NUBPL: variants seen among roughly 807,000 people sequenced by gnomAD.
NUBPL encodes the protein iron-sulfur cluster transfer protein NUBPL.
NUBPL carries 31 observed loss-of-function variants against 45.7 expected under a neutral mutation model. The observed-to-expected ratio is 0.68, with a 90% confidence interval of 0.51 to 0.92. The LOEUF (loss-of-function observed/expected upper bound fraction) is 0.92, where lower values mean the gene tolerates loss of function less well. NUBPL is among the 40% of genes least tolerant of loss of function. The probability of loss-of-function intolerance (pLI) is 0.00; values close to 1 mark genes in which losing one functional copy is unlikely to be tolerated. For missense variants in NUBPL, 401 were observed against 398.7 expected, an observed-to-expected ratio of 1.01 and a Z score of -0.05; for synonymous variants, 144 against 140.9, an observed-to-expected ratio of 1.02 and a Z score of -0.15.
Position 31,653,121 on chromosome 14 carries a change from A to G in NUBPL, c.383-20234A>G, listed in dbSNP as rs150498103. On this transcript the variant is annotated intron_variant, in intron 4 of 10. Transcript: ENST00000281081. ...AACAAAGATCACATGCTTCTGAGGA[A>G]ACAGGGCAAGGACAAAAGCAAAGAT... is the stretch of plus-strand genomic sequence containing the variant. 4.8e-3 allele frequency among the ~76,000 whole-genome samples: 732 copies of G among 152,322 alleles called. 2 individuals carry two copies. The highest frequency in any genetic ancestry group is 0.016 in the African/African-American group (651 of 41,580).
intron 8 of NUBPL, among the ~76,000 whole-genome samples, chr14:31,829,120 G>T (rs2036608438): frequency 6.6e-6 from 1 of 152,180 alleles, no homozygotes; most frequent in African/African-American, 2.4e-5. Flanking sequence ...GTCATGACAA[G>T]GTCCAGGATG....
At chr14:31,799,265 TGTA>T (rs1049758527) in intron 7 of NUBPL, among the ~76,000 whole-genome samples, 4 of 152,136 alleles carry the variant, frequency 2.6e-5, no homozygotes, top group African/African-American at 9.7e-5. Flanking sequence ...ATAGTGTACA[TGTA>T]GTTTCTAGAA....
intron 8 of NUBPL, among the ~76,000 whole-genome samples, chr14:31,834,187 T>G (rs1235480296): frequency 1.4e-5 from 2 of 144,552 alleles, no homozygotes; most frequent in Non-Finnish European, 1.5e-5. Context: ...ACTTTTTTTT[T>G]TTTTTTTTTT....
At chr14:31,661,973 C>T (rs1358900000) in intron 4 of NUBPL, 1 of 152,078 alleles carries the variant, frequency 6.6e-6, no homozygotes, top group Non-Finnish European at 1.5e-5. Flanking sequence ...CAACAAAGTT[C>T]TATCTTTTCT....
At chr14:31,748,591 A>G (rs2038452002) in intron 6 of NUBPL, among the ~76,000 whole-genome samples, 1 of 151,114 alleles carries the variant, frequency 6.6e-6, no homozygotes, top group African/African-American at 2.5e-5. Context: ...AATCTTATAT[A>G]AGTATAGTTC....
chr14:31,645,984 AC>A (rs781109311), intron 4 of NUBPL, among the ~76,000 whole-genome samples: 9 of 151,902 alleles, frequency 5.9e-5, no homozygotes, highest in Non-Finnish European at 1.2e-4. Flanking sequence ...TGGGTTTTAT[AC>A]TTTTAAATGT....
chr14:31,634,059 C>T (rs368736909), intron 4 of NUBPL, among the ~76,000 whole-genome samples: 17 of 151,600 alleles, frequency 1.1e-4, no homozygotes, highest in African/African-American at 2.9e-4. Context: ...AGAAGAAAAG[C>T]GACAAAATCA....
chr14:31,807,360 C>A (rs1378736265), intron 7 of NUBPL, among the ~76,000 whole-genome samples: 1 of 152,174 alleles, frequency 6.6e-6, no homozygotes, highest in Non-Finnish European at 1.5e-5. Context: ...ATTTGCATTT[C>A]TCTGATGACC....
intron 8 of NUBPL, chr14:31,845,958 C>T (rs17098210): frequency 0.15 from 25,038 of 161,762 alleles, 6,065 homozygotes; most frequent in African/African-American, 0.53. Flanking sequence ...TTAGTGGTTT[C>T]CTGTTGTCTG....
chr14:31,659,876 G>A (rs534594809), intron 4 of NUBPL, among the ~76,000 whole-genome samples: 2 of 152,214 alleles, frequency 1.3e-5, no homozygotes, highest in South Asian at 4.1e-4. Flanking sequence ...GAAAAGAGGG[G>A]CATTTTTTTA....
At chr14:31,808,391 A>G (rs978913666) in intron 7 of NUBPL, among the ~76,000 whole-genome samples, 3 of 152,116 alleles carry the variant, frequency 2.0e-5, no homozygotes, top group African/African-American at 7.2e-5. Flanking sequence ...AGCAATTGTG[A>G]ATGGGATTCA....
intron 7 of NUBPL, among the ~76,000 whole-genome samples, chr14:31,803,604 A>G (rs550448962): frequency 1.3e-5 from 2 of 152,270 alleles, no homozygotes; most frequent in African/African-American, 2.4e-5. Context: ...TCAATTTTGG[A>G]CTTTTTTCAA....
At chr14:31,806,329 A>T (rs904466769) in intron 7 of NUBPL, among the ~76,000 whole-genome samples, 1 of 152,188 alleles carries the variant, frequency 6.6e-6, no homozygotes, top group African/African-American at 2.4e-5. Flanking sequence ...AAGAATATGT[A>T]TAAAAAGGAA....
intron 6 of NUBPL, among the ~76,000 whole-genome samples, chr14:31,682,065 AT>A (rs1017349641): frequency 1.9e-4 from 29 of 152,206 alleles, no homozygotes; most frequent in African/African-American, 6.5e-4. Context: ...CAGAGTTCAC[AT>A]TTTTTTGTAA....
chr14:31,640,002 C>G (rs1472887807), intron 4 of NUBPL, among the ~76,000 whole-genome samples: 1 of 152,130 alleles, frequency 6.6e-6, no homozygotes, highest in African/African-American at 2.4e-5. Flanking sequence ...CTTTCTTTGA[C>G]TAGGAAAGGG....
chr14:31,830,824 T>C (rs2138980339), intron 8 of NUBPL, among the ~76,000 whole-genome samples: 1 of 152,294 alleles, frequency 6.6e-6, no homozygotes, highest in African/African-American at 2.4e-5. Context: ...ACTCATGGGC[T>C]ACTCTGCCTT....
In NUBPL at chr14:31,745,272, A is replaced by G. The variant is rs552079865; in HGVS notation, c.514-42508A>G. On this transcript the variant is annotated intron_variant, in intron 6 of 10. Coordinates refer to ENST00000281081, the MANE Select transcript of NUBPL (RefSeq NM_025152.3). ...TGTGTCCAAATGTTCTCATTGTTCA[A>G]TTCCCACCTATGATTGAGAACATGT... Among the ~76,000 whole-genome samples the G allele has an allele frequency of 1.4e-4, 21 of 152,044 alleles. No individual in the cohort carries two copies. The East Asian group carries it at 2.1e-3, about 15-fold the overall frequency.
intron 3 of NUBPL, among the ~76,000 whole-genome samples, chr14:31,595,354 G>T (rs57140983): frequency 0.037 from 5,695 of 152,224 alleles, 246 homozygotes; most frequent in African/African-American, 0.11. Context: ...ACCAACATTA[G>T]GTTAAGTTTA....
Position 31,859,438 on chromosome 14 carries a change from C to T in NUBPL, c.*258C>T, listed in dbSNP as rs1478337908. 1.7e-4 allele frequency: 83 copies of T among 483,100 alleles called. No individual in the cohort carries two copies. In the East Asian group the frequency reaches 3.1e-3, roughly 18 times the overall value. 29.9% of individuals were successfully genotyped at this position (483,100 alleles called of 1,614,324 possible). A position where few individuals can be genotyped will look rare whatever the true frequency, so the allele number is the denominator to read the frequency against. On this transcript the variant is annotated 3_prime_UTR_variant, in exon 11 of 11. Transcript: ENST00000281081. Reference sequence around the variant, plus strand: ...AACTGCATTTTATTTTATTGAATTACCCCTTTAGAAATCACGAGTTTATGA... The same window carrying T: ...AACTGCATTTTATTTTATTGAATTATCCCTTTAGAAATCACGAGTTTATGA...
Sources: allele counts gnomAD v4.1 joint callset (sites outside exome capture counted in the v4.1 genomes callset), GRCh38; gene constraint gnomAD v4.1.1; transcripts MANE v1.5; gene names NCBI Gene and HGNC (gene_info 2026-07-23, HGNC 2026-07-21).